Variants in AATK observed in about 807,000 individuals in gnomAD.
The protein encoded by AATK is lemur tail kinase 1.
A neutral mutation model predicts 114.3 loss-of-function variants in AATK; 91 were observed. That is an observed-to-expected ratio of 0.80 (90% confidence interval 0.67 to 0.95). The LOEUF is 0.95. Ranked by LOEUF, AATK falls within the 40% of genes least tolerant of loss-of-function variation. AATK has a pLI of 0.00. For missense variants in AATK, 2,176 were observed against 1,965.2 expected (o/e 1.11, Z -2.03); for synonymous variants, 1,075 against 916.5 (o/e 1.17, Z -3.12).
Position 81,134,558 on chromosome 17 carries a change from C to A in AATK, c.56-57G>T, listed in dbSNP as rs2060982801. The A allele has an allele frequency of 3.2e-6, 5 of 1,571,250 alleles. No individual in the cohort carries two copies. In the Admixed American group the frequency reaches 7.4e-5, roughly 23 times the overall value. On this transcript the variant is annotated intron_variant, in intron 1 of 13. Coordinates refer to ENST00000326724, the MANE Select transcript of AATK (RefSeq NM_001080395.3). The stretch of plus-strand genomic sequence containing the variant: ...TGGCTGAGGGCCGGCCAGGCCCCTG[C>A]CCCTGCTCTGGGCTCCACAGCCCCA...
At chr17:81,153,479 G>A (rs138326713) in intron 1 of AATK, among the ~76,000 whole-genome samples, 4 of 152,196 alleles carry the variant, frequency 2.6e-5, no homozygotes, top group East Asian at 1.9e-4. Flanking sequence ...ATTTGCCTGC[G>A]TGGGTGTTCC....
In AATK at chr17:81,126,421, C is replaced by T. The variant is rs756593310; in HGVS notation, c.755+6G>A. 3 of 1,558,970 alleles carry T rather than the reference C, an allele frequency of 1.9e-6. No individual in the cohort carries two copies. The highest frequency in any genetic ancestry group is 1.2e-5 in the South Asian group (1 of 84,596). On this transcript the variant is annotated splice_donor_region_variant and intron_variant, in intron 7 of 13. Coordinates refer to ENST00000326724, the MANE Select transcript of AATK (RefSeq NM_001080395.3). This position sits in a 1 kb window ranked among gnomAD's most constrained non-coding sequence, Gnocchi z 5.1. ...TTCCCGGCCGCTGGCCCGCGCCCGC[C>T]CTCACCTGTGCACGAAATTGTTGCG...
chr17:81,120,253 T>C lies in AATK; in HGVS notation c.3683A>G (p.Lys1228Arg). Residue 1228 changes from lysine (K) to arginine (R), a missense_variant, in exon 11 of 14, where the codon AAG (lysine) becomes AGG (arginine). By Grantham distance (26) the Lys-to-Arg change is conservative. Coordinates refer to ENST00000326724, the MANE Select transcript of AATK (RefSeq NM_001080395.3). ...SETFCEDLER[K>R]KKAVSFFDDV... ...GTCGAAGAAGGACACGGCCTTCTTC[T>C]TGCGTTCCAGGTCCTCGCAGAAGGT... The C allele has an allele frequency of 3.1e-6, 5 of 1,597,330 alleles. No individual in the cohort carries two copies. Among genetic ancestry groups the C allele is most frequent in the African/African-American group, 1.3e-5 (1 of 74,756 alleles).
At chr17:81,142,265 TTC>T (rs2061150355) in intron 1 of AATK, among the ~76,000 whole-genome samples, 1 of 149,522 alleles carries the variant, frequency 6.7e-6, no homozygotes, top group South Asian at 2.1e-4. Context: ...GCTCTTTTTT[TTC>T]TTTTTTCTTT....
At position 81,117,920 on chromosome 17, in the gene AATK, G is replaced by A. The variant is rs2060587178; in HGVS notation, c.*482C>T. 6.5e-6 allele frequency: 1 copy of A among 154,688 alleles called. No homozygotes were observed. The highest frequency in any genetic ancestry group is 1.4e-5 in the Non-Finnish European group (1 of 69,626). 9.6% of individuals were successfully genotyped at this position (154,688 alleles called of 1,614,324 possible). The stretch of plus-strand genomic sequence containing the variant: ...CTTGCCCTGAGCCACCAGGAACCAG[G>A]CAAGGGTGGGGGCACAGGGGGTGGG... On this transcript the variant is annotated 3_prime_UTR_variant, in exon 14 of 14. Transcript: ENST00000326724.
chr17:81,156,178 C>CTA (rs67460784), intron 1 of AATK, among the ~76,000 whole-genome samples: 481 of 7,738 alleles, frequency 0.062, 18 homozygotes, highest in African/African-American at 0.15. Flanking sequence ...ATGTATGTTA[C>CTA]TGTTACAATG....
At chr17:81,141,932 C>CTTCCT (rs774343334) in intron 1 of AATK, among the ~76,000 whole-genome samples, 5,829 of 67,474 alleles carry the variant, frequency 0.086, 160 homozygotes, top group South Asian at 0.15. Context: ...TCCTTCCTTC[C>CTTCCT]TTCCTTCCTT....
chr17:81,122,749 G>A lies in AATK; in HGVS notation c.1187C>T (p.Ser396Phe). ...PTAEEVHLLL[S>F]YLCAKGATEA... ...GGTGGCGCCCTTGGCACACAGGTAG[G>A]ACAGCAGCAGGTGCACCTCCTCGGC... The change falls in exon 11 of 14, where the codon TCC becomes TTC. Residue 396 changes from serine (S) to phenylalanine (F), a missense_variant. Physicochemically the swap from Ser to Phe is radical, Grantham distance 155. Around this residue, in one of 4 missense-constraint regions of AATK, gnomAD observed 273 missense variants for 344.1 expected, o/e 0.79. Coordinates refer to ENST00000326724, the MANE Select transcript of AATK (RefSeq NM_001080395.3). 1.3e-6 allele frequency: 2 copies of A among 1,599,800 alleles called. No individual in the cohort carries two copies. The highest frequency in any genetic ancestry group is 1.3e-5 in the African/African-American group (1 of 74,780).
Position 81,121,777 on chromosome 17 carries a change from T to C in AATK, c.2159A>G (p.Glu720Gly). The change falls in exon 11 of 14, where the codon GAG becomes GGG. Residue 720 changes from glutamate to glycine, a missense_variant. Glu to Gly is a moderately conservative substitution (Grantham distance 98, BLOSUM62 -2). Transcript: ENST00000326724. ...CAGAGGCTCTCCAGGGTACCCCGGC[T>C]CGGGGGAGGCCCGTGGGGTCTGCTT... ...SPKQTPRASP[E>G]PGYPGEPLLG... is the part of the protein sequence containing the mutation. 4.5e-6 allele frequency: 7 copies of C among 1,545,502 alleles called. No individual in the cohort carries two copies. The highest frequency in any genetic ancestry group is 6.1e-6 in the Non-Finnish European group (7 of 1,149,698).
At chr17:81,125,660 G>C (rs1205692866) in intron 7 of AATK, among the ~76,000 whole-genome samples, 1 of 152,164 alleles carries the variant, frequency 6.6e-6, no homozygotes, top group African/African-American at 2.4e-5. Context: ...CAGGGTACTG[G>C]GTAGATATTA....
chr17:81,120,256 C>T lies in AATK; in HGVS notation c.3680G>A (p.Arg1227His), dbSNP rs1598903197. ...LSETFCEDLE[R>H]KKKAVSFFDD... Reference sequence around the variant, plus strand: ...GAAGAAGGACACGGCCTTCTTCTTGCGTTCCAGGTCCTCGCAGAAGGTCTC... The same window carrying T: ...GAAGAAGGACACGGCCTTCTTCTTGTGTTCCAGGTCCTCGCAGAAGGTCTC... The change falls in exon 11 of 14, where the codon CGC (arginine) becomes CAC (histidine). Residue 1227 changes from arginine to histidine, a missense_variant. Arg to His is a conservative substitution (Grantham distance 29). This residue lies in a region of AATK where 1,701 missense variants were observed against 1,394.7 expected (regional missense o/e 1.22). Transcript: ENST00000326724. 6.3e-7 allele frequency: 1 copy of T among 1,597,872 alleles called. No homozygotes were observed. Among genetic ancestry groups the T allele is most frequent in the Non-Finnish European group, 8.6e-7 (1 of 1,169,160 alleles).
At chr17:81,165,851 T>C (rs918858920) in intron 1 of AATK, 87 bp downstream of exon 1, 6 of 1,527,682 alleles carry the variant, frequency 3.9e-6, no homozygotes, top group Non-Finnish European at 4.4e-6. Context: ...TTAATTTCCA[T>C]GCAAACCGGG....
At position 81,120,871 on chromosome 17, in the gene AATK, C is replaced by T. The variant is rs1468081215; in HGVS notation, c.3065G>A (p.Gly1022Glu). The change falls in exon 11 of 14, where the codon GGG (glycine) becomes GAG (glutamate). Residue 1022 changes from glycine to glutamate, a missense_variant. Gly to Glu is a moderately conservative substitution (Grantham distance 98). Around this residue, in one of 4 missense-constraint regions of AATK, gnomAD observed 1,701 missense variants for 1,394.7 expected, o/e 1.22. Transcript: ENST00000326724. Reference sequence around the variant, plus strand: ...AGTGCTCGGCAGGCCCAGCTCTGGCCCGGGGGCTCGGTCCCCGCCGCACTT... The same window carrying T: ...AGTGCTCGGCAGGCCCAGCTCTGGCTCGGGGGCTCGGTCCCCGCCGCACTT... ...EKKCGGDRAPGPELGLPSTGQ... is the reference protein window; with the variant it reads ...EKKCGGDRAPEPELGLPSTGQ... The T allele has an allele frequency of 5.7e-6, 9 of 1,577,482 alleles. No individual in the cohort carries two copies. Among genetic ancestry groups the T allele is most frequent in the Non-Finnish European group, 8.6e-7 (1 of 1,161,864 alleles).
At position 81,122,262 on chromosome 17, in the gene AATK, C is replaced by A; in HGVS notation, c.1674G>T (p.Ala558=). Reference sequence around the variant, plus strand: ...TGCCGTCAGAGTCGTCGTCCTGGTCCGCGGTGGCAGGTGGACTGGGGGCGC... The same window carrying A: ...TGCCGTCAGAGTCGTCGTCCTGGTCAGCGGTGGCAGGTGGACTGGGGGCGC... ...AGCAPSPPAT[A]DQDDDSDGST... is the part of the protein sequence containing the mutation. Residue 558 remains alanine (A), a synonymous_variant, in exon 11 of 14, where the codon GCG becomes GCT. Coordinates refer to ENST00000326724, the MANE Select transcript of AATK (RefSeq NM_001080395.3). The A allele has an allele frequency of 6.7e-7, 1 of 1,493,710 alleles. No individual in the cohort carries two copies. Among genetic ancestry groups the A allele is most frequent in the Non-Finnish European group, 8.9e-7 (1 of 1,126,716 alleles). 92.5% of individuals were successfully genotyped at this position (1,493,710 alleles called of 1,614,324 possible).
At chr17:81,162,397 C>T (rs2061437727) in intron 1 of AATK, among the ~76,000 whole-genome samples, 1 of 152,184 alleles carries the variant, frequency 6.6e-6, no homozygotes, top group South Asian at 2.1e-4. Context: ...AGGGCAGGTG[C>T]TTGCTGCCTG....
intron 1 of AATK, among the ~76,000 whole-genome samples, chr17:81,148,245 C>T (rs1453931398): frequency 6.6e-6 from 1 of 152,190 alleles, no homozygotes; most frequent in Admixed American, 6.5e-5. Context: ...TTGATTATCA[C>T]TCAAACCTGA....
chr17:81,118,847 G>A (rs887748456), intron 13 of AATK, among the ~76,000 whole-genome samples: 3 of 152,210 alleles, frequency 2.0e-5, no homozygotes, highest in Non-Finnish European at 2.9e-5. Flanking sequence ...GCTGGCAGGG[G>A]GCCTTCTCCG....
chr17:81,160,335 C>T (rs1052977275), intron 1 of AATK: 3 of 835,690 alleles, frequency 3.6e-6, no homozygotes, highest in Non-Finnish European at 4.3e-6. Flanking sequence ...CCCAAGGCCG[C>T]AGCCCCCTGA....
intron 1 of AATK, among the ~76,000 whole-genome samples, chr17:81,137,404 G>C (rs1448347921): frequency 6.6e-6 from 1 of 152,112 alleles, no homozygotes; most frequent in African/African-American, 2.4e-5. Flanking sequence ...AGGAGGGGGG[G>C]TTCCCACAGT....
Sources: gnomAD v4.1 joint callset for allele counts (sites outside exome capture counted in the v4.1 genomes callset) on GRCh38, gnomAD v4.1.1 for gene constraint, gnomAD v4.1.1 regional missense constraint, Gnocchi (gnomAD v3.1) non-coding constraint, MANE v1.5 for transcripts, NCBI Gene and HGNC (gene_info 2026-07-23, HGNC 2026-07-21) for gene names.